KCNIP4: variants seen among roughly 807,000 people sequenced by gnomAD.
KCNIP4 encodes the protein Kv channel-interacting protein 4.
In KCNIP4, 12 loss-of-function variants were observed where a neutral mutation model predicts 34.0. That is an observed-to-expected ratio of 0.35 (90% CI 0.23 to 0.57). KCNIP4 has a LOEUF of 0.57. Among genes scored for constraint, KCNIP4 ranks in the 20% least tolerant of loss-of-function variants. The probability of loss-of-function intolerance (pLI) is 0.83; values close to 1 mark genes in which losing one functional copy is unlikely to be tolerated. For synonymous variants in KCNIP4, 124 were observed against 102.2 expected, an observed-to-expected ratio of 1.21 and a Z score of -1.29; for missense variants, 238 against 311.7, an observed-to-expected ratio of 0.76 and a Z score of 1.78.
At chr4:21,220,194 C>G (rs1169343364) in intron 1 of KCNIP4, among the ~76,000 whole-genome samples, 2 of 152,170 alleles carry the variant, frequency 1.3e-5, no homozygotes, top group Admixed American at 1.3e-4. Context: ...TCCATTTTCA[C>G]TATATGGCTA....
chr4:21,870,264 G>C (rs1198211217), intron 1 of KCNIP4, among the ~76,000 whole-genome samples: 3 of 152,108 alleles, frequency 2.0e-5, no homozygotes, highest in Admixed American at 6.6e-5. Flanking sequence ...CTAGAGAAGG[G>C]AACAAAAGTC....
intron 1 of KCNIP4, among the ~76,000 whole-genome samples, chr4:21,703,064 TA>T (rs1243576188): frequency 1.2e-4 from 18 of 151,476 alleles, no homozygotes; most frequent in African/African-American, 3.6e-4. Flanking sequence ...GATTCATGAT[TA>T]AAAAAAAATC....
At chr4:21,506,026 C>T (rs573447881) in intron 1 of KCNIP4, among the ~76,000 whole-genome samples, 1 of 152,230 alleles carries the variant, frequency 6.6e-6, no homozygotes, top group East Asian at 1.9e-4. Context: ...TCAATTGAAC[C>T]TGGGAGGCAG....
chr4:20,807,452 A>G (rs532587710), intron 3 of KCNIP4, among the ~76,000 whole-genome samples: 61 of 152,230 alleles, frequency 4.0e-4, no homozygotes, highest in African/African-American at 1.4e-3. Flanking sequence ...CCCTATTTCC[A>G]TAAGACCCAT....
At chr4:21,507,164 C>T (rs549228417) in intron 1 of KCNIP4, among the ~76,000 whole-genome samples, 7 of 151,914 alleles carry the variant, frequency 4.6e-5, no homozygotes, top group Non-Finnish European at 4.4e-5. Context: ...AACATGCAAT[C>T]AATATAAAAA....
At chr4:21,823,074 T>G (rs1560740667) in intron 1 of KCNIP4, among the ~76,000 whole-genome samples, 1 of 152,136 alleles carries the variant, frequency 6.6e-6, no homozygotes, top group Non-Finnish European at 1.5e-5. Context: ...TTCCTGATTA[T>G]AATTATAATT....
At chr4:21,410,936 G>A (rs1724442616) in intron 1 of KCNIP4, among the ~76,000 whole-genome samples, 1 of 152,160 alleles carries the variant, frequency 6.6e-6, no homozygotes, top group African/African-American at 2.4e-5. Flanking sequence ...ATGGCCCACA[G>A]ACAGACAACA....
intron 1 of KCNIP4, among the ~76,000 whole-genome samples, chr4:21,833,421 C>T (rs1407975349): frequency 1.3e-5 from 2 of 152,012 alleles, no homozygotes; most frequent in African/African-American, 2.4e-5. Flanking sequence ...GTCCTTTGCC[C>T]ACTTTTTGAT....
At chr4:20,848,622 A>G (rs1405258694) in intron 3 of KCNIP4, among the ~76,000 whole-genome samples, 3 of 152,168 alleles carry the variant, frequency 2.0e-5, no homozygotes, top group Non-Finnish European at 1.5e-5. Flanking sequence ...GGCAGTAATC[A>G]TGATTCCAAT....
chr4:21,281,292 T>C (rs758874769), intron 1 of KCNIP4, among the ~76,000 whole-genome samples: 1 of 152,046 alleles, frequency 6.6e-6, no homozygotes, highest in Non-Finnish European at 1.5e-5. Flanking sequence ...TTCACCATAT[T>C]AGCCAGGTTG....
At chr4:21,766,868 G>A (rs138899653) in intron 1 of KCNIP4, among the ~76,000 whole-genome samples, 2 of 152,226 alleles carry the variant, frequency 1.3e-5, no homozygotes, top group Non-Finnish European at 2.9e-5. Context: ...TCCATTGAGT[G>A]TCTATCACCT....
intron 1 of KCNIP4, among the ~76,000 whole-genome samples, chr4:20,941,022 G>A (rs776500170): frequency 8.6e-5 from 13 of 152,026 alleles, no homozygotes; most frequent in South Asian, 2.1e-4. Flanking sequence ...AGTGTTACTC[G>A]GTATAATTAT....
chr4:20,737,510 G>A (rs1417967079), intron 5 of KCNIP4, among the ~76,000 whole-genome samples: 2 of 151,040 alleles, frequency 1.3e-5, no homozygotes, highest in Admixed American at 6.6e-5. Context: ...GGGCCGATCT[G>A]AGAAGGGAGT....
In KCNIP4 at chr4:20,858,747, A is replaced by G. The variant is rs183647875; in HGVS notation, c.164-8080T>C. On this transcript the variant is annotated intron_variant, in intron 2 of 8. Transcript: ENST00000382152. ...GAATGTTAATAGCAACCATCACCCT[A>G]TGGAGAACTTTTGCTCTAAGCGTGG... Among the ~76,000 whole-genome samples the G allele has an allele frequency of 1.1e-3, 160 of 152,280 alleles. 1 individual carries two copies. The highest frequency in any genetic ancestry group is 2.2e-3 in the Admixed American group (34 of 15,284).
At chr4:21,123,990 A>G (rs1750389626) in intron 1 of KCNIP4, among the ~76,000 whole-genome samples, 2 of 152,128 alleles carry the variant, frequency 1.3e-5, no homozygotes, top group South Asian at 4.1e-4. Flanking sequence ...GTATTTTGTT[A>G]CAGTAGCCCA....
intron 1 of KCNIP4, among the ~76,000 whole-genome samples, chr4:21,431,172 A>G (rs1260591395): frequency 1.3e-5 from 2 of 151,674 alleles, no homozygotes; most frequent in African/African-American, 4.8e-5. Context: ...AATAAATTTA[A>G]AAAAAAAGGA....
intron 1 of KCNIP4, among the ~76,000 whole-genome samples, chr4:21,128,787 C>A (rs181545288): frequency 6.6e-6 from 1 of 152,322 alleles, no homozygotes; most frequent in African/African-American, 2.4e-5. Flanking sequence ...TCTTACATAT[C>A]TTATTGCATC....
At chr4:21,071,758 C>T (rs1237896494) in intron 1 of KCNIP4, among the ~76,000 whole-genome samples, 1 of 152,032 alleles carries the variant, frequency 6.6e-6, no homozygotes, top group Non-Finnish European at 1.5e-5. Flanking sequence ...TCGTCATTTA[C>T]ATTGGGTATA....
intron 1 of KCNIP4, among the ~76,000 whole-genome samples, chr4:21,258,806 T>C (rs1761255502): frequency 6.6e-6 from 1 of 152,190 alleles, no homozygotes; most frequent in African/African-American, 2.4e-5. Flanking sequence ...CCCATGATAA[T>C]AATGAAACAT....
Sources: gnomAD v4.1 joint callset for allele counts (sites outside exome capture counted in the v4.1 genomes callset) on GRCh38, gnomAD v4.1.1 for gene constraint, MANE v1.5 for transcripts, NCBI Gene and HGNC (gene_info 2026-07-23, HGNC 2026-07-21) for gene names.